TRAPPC9: variants seen among roughly 807,000 people sequenced by gnomAD.
TRAPPC9 encodes the protein IKK2 binding protein.
A neutral mutation model predicts 124.0 loss-of-function variants in TRAPPC9; 83 were observed. That is an observed-to-expected ratio of 0.67 (90% CI 0.56 to 0.80). TRAPPC9 has a LOEUF of 0.80. Ranked by LOEUF, TRAPPC9 falls within the 30% of genes least tolerant of loss-of-function variation. The pLI is 0.00. For missense variants in TRAPPC9, 1,302 were observed against 1,508.3 expected, an observed-to-expected ratio of 0.86 and a Z score of 2.27; for synonymous variants, 638 against 617.5, an observed-to-expected ratio of 1.03 and a Z score of -0.49.
chr8:140,324,208 A>G lies in TRAPPC9; in HGVS notation c.1496-12834T>C, dbSNP rs1044145620. Among the ~76,000 whole-genome samples the G allele has an allele frequency of 5.3e-5, 8 of 152,306 alleles. No individual in the cohort carries two copies. The East Asian group carries it at 5.8e-4, about 11-fold the overall frequency. ...GACTGAAAATAAAAGGATGGGGGGGAAAAGATATACCACACGAACACAAGT... is the reference window on the plus strand; with the variant it reads ...GACTGAAAATAAAAGGATGGGGGGGGAAAGATATACCACACGAACACAAGT... On this transcript the variant is annotated intron_variant, in intron 9 of 22. Coordinates refer to ENST00000438773, the MANE Select transcript of TRAPPC9 (RefSeq NM_001160372.4).
At chr8:139,804,465 T>C (rs1020944330) in intron 21 of TRAPPC9, among the ~76,000 whole-genome samples, 235 of 27,724 alleles carry the variant, frequency 8.5e-3, no homozygotes, top group Admixed American at 0.013. Flanking sequence ...CCACCACCAC[T>C]CACCACCACC....
intron 17 of TRAPPC9, among the ~76,000 whole-genome samples, chr8:140,031,819 T>A (rs1418118900): frequency 1.3e-5 from 2 of 152,124 alleles, no homozygotes; most frequent in Non-Finnish European, 2.9e-5. Context: ...CAAAACAGCT[T>A]CCAGCCAAGA....
At chr8:140,341,943 C>G (rs2067207640) in intron 9 of TRAPPC9, among the ~76,000 whole-genome samples, 2 of 152,232 alleles carry the variant, frequency 1.3e-5, no homozygotes, top group African/African-American at 4.8e-5. Flanking sequence ...GCCTCTGACA[C>G]TATTTCAGCA....
intron 21 of TRAPPC9, among the ~76,000 whole-genome samples, chr8:139,828,602 A>G (rs940028272): frequency 1.3e-5 from 2 of 152,196 alleles, no homozygotes; most frequent in Non-Finnish European, 2.9e-5. Context: ...GATGCAATTA[A>G]TATTTGTTGC....
chr8:140,095,659 A>G (rs1271346871), intron 17 of TRAPPC9: 2 of 152,192 alleles, frequency 1.3e-5, no homozygotes, highest in Non-Finnish European at 2.9e-5. Context: ...AATACTTGCA[A>G]AATGTATTAA....
At chr8:140,196,595 A>C (rs1304080874) in intron 17 of TRAPPC9, among the ~76,000 whole-genome samples, 2 of 147,900 alleles carry the variant, frequency 1.4e-5, no homozygotes, top group Non-Finnish European at 3.0e-5. Flanking sequence ...TCAACGATCC[A>C]CCATACAGAT....
chr8:140,447,638 G>A (rs762524302), intron 2 of TRAPPC9, among the ~76,000 whole-genome samples: 1 of 152,154 alleles, frequency 6.6e-6, no homozygotes, highest in Non-Finnish European at 1.5e-5. Context: ...CCTACACCTC[G>A]TGTACCGGGG....
At chr8:140,081,309 T>C (rs1448295626) in intron 17 of TRAPPC9, among the ~76,000 whole-genome samples, 2 of 151,852 alleles carry the variant, frequency 1.3e-5, no homozygotes, top group Non-Finnish European at 2.9e-5. Flanking sequence ...TCTCAGTATT[T>C]TGCTCCACAT....
intron 19 of TRAPPC9, among the ~76,000 whole-genome samples, chr8:139,937,603 G>A (rs927770168): frequency 3.9e-5 from 6 of 152,128 alleles, no homozygotes; most frequent in Non-Finnish European, 8.8e-5. Flanking sequence ...TAAGCCAACA[G>A]AGAGACCAGC....
At chr8:139,913,550 A>C (rs1831894118) in intron 19 of TRAPPC9, among the ~76,000 whole-genome samples, 1 of 152,246 alleles carries the variant, frequency 6.6e-6, no homozygotes, top group African/African-American at 2.4e-5. Flanking sequence ...TTTGCAGAGC[A>C]GCATGGGACA....
At chr8:140,004,624 T>C (rs1838629344) in intron 18 of TRAPPC9, among the ~76,000 whole-genome samples, 1 of 152,006 alleles carries the variant, frequency 6.6e-6, no homozygotes, top group African/African-American at 2.4e-5. Context: ...ACTATAAACA[T>C]GGGGGGTGGG....
At chr8:140,002,616 T>C (rs1273002583) in intron 18 of TRAPPC9, among the ~76,000 whole-genome samples, 2 of 152,060 alleles carry the variant, frequency 1.3e-5, no homozygotes, top group African/African-American at 4.8e-5. Flanking sequence ...TAAAGACTTA[T>C]TCTAGGGTAC....
chr8:140,227,872 C>T (rs944157466), intron 16 of TRAPPC9, among the ~76,000 whole-genome samples: 1 of 152,218 alleles, frequency 6.6e-6, no homozygotes, highest in African/African-American at 2.4e-5. Context: ...CAATATCACA[C>T]AGCTCATCAG....
chr8:140,292,873 A>C (rs2065700753), intron 11 of TRAPPC9, among the ~76,000 whole-genome samples: 1 of 144,216 alleles, frequency 6.9e-6, no homozygotes, highest in Non-Finnish European at 1.5e-5. Context: ...ATGGGATCTA[A>C]TTAAACTAAA....
chr8:140,088,732 A>T (rs1326939512), intron 17 of TRAPPC9, among the ~76,000 whole-genome samples: 1 of 152,244 alleles, frequency 6.6e-6, no homozygotes, highest in Non-Finnish European at 1.5e-5. Flanking sequence ...CCTGATAGGG[A>T]ATCATATCTC....
At chr8:140,382,296 G>C (rs1311380418) in intron 7 of TRAPPC9, among the ~76,000 whole-genome samples, 3 of 152,292 alleles carry the variant, frequency 2.0e-5, no homozygotes, top group South Asian at 2.1e-4. Context: ...GTGGGTGCAG[G>C]ACAGTGGGTG....
At chr8:140,034,564 T>A (rs1840755160) in intron 17 of TRAPPC9, among the ~76,000 whole-genome samples, 1 of 152,232 alleles carries the variant, frequency 6.6e-6, no homozygotes, top group Admixed American at 6.5e-5. Context: ...GCAGGGACCA[T>A]GCTCCATACC....
At chr8:140,228,886 GAA>G (rs1164312659) in intron 16 of TRAPPC9, among the ~76,000 whole-genome samples, 1 of 152,152 alleles carries the variant, frequency 6.6e-6, no homozygotes, top group Non-Finnish European at 1.5e-5. Flanking sequence ...AAGATAAAGA[GAA>G]AAGAGAGATT....
At chr8:139,966,066 T>G in intron 19 of TRAPPC9, among the ~76,000 whole-genome samples, 1 of 152,204 alleles carries the variant, frequency 6.6e-6, no homozygotes, top group Non-Finnish European at 1.5e-5. Context: ...GACGTTTCTA[T>G]GAAGTTGTGA....
Sources: allele counts gnomAD v4.1 joint callset (sites outside exome capture counted in the v4.1 genomes callset), GRCh38; gene constraint gnomAD v4.1.1; transcripts MANE v1.5; gene names NCBI Gene and HGNC (gene_info 2026-07-23, HGNC 2026-07-21).